PBX1: variants seen among roughly 807,000 people sequenced by gnomAD.
PBX1 encodes PBX homeobox 1.
In PBX1, 6 loss-of-function variants were observed where a neutral mutation model predicts 53.4. The ratio of observed to expected loss-of-function variants is 0.11; its 90% CI spans 0.06 to 0.22. The LOEUF is 0.22. Ranked by LOEUF, PBX1 falls within the 10% of genes least tolerant of loss-of-function variation. PBX1 has a pLI of 1.00. For missense variants in PBX1, 251 were observed against 551.4 expected, an observed-to-expected ratio of 0.46 and a Z score of 5.46; for synonymous variants, 204 against 212.3, an observed-to-expected ratio of 0.96 and a Z score of 0.34.
intron 2 of PBX1, among the ~76,000 whole-genome samples, chr1:164,789,412 G>A (rs1571410709): frequency 3.9e-5 from 6 of 152,324 alleles, no homozygotes; most frequent in Non-Finnish European, 1.5e-5. Flanking sequence ...TGATGTGTGC[G>A]TGATCACCTG....
intron 2 of PBX1, among the ~76,000 whole-genome samples, chr1:164,715,266 A>C (rs1319753073): frequency 4.6e-5 from 7 of 152,234 alleles, no homozygotes; most frequent in Non-Finnish European, 7.3e-5. Context: ...ATCTTTCAGG[A>C]GAAACAGTGA....
intron 2 of PBX1, among the ~76,000 whole-genome samples, chr1:164,578,328 C>G (rs960097885): frequency 6.6e-6 from 1 of 152,154 alleles, no homozygotes; most frequent in African/African-American, 2.4e-5. Context: ...GGTGAAAACT[C>G]TTTATCTTCC....
chr1:164,795,779 A>G (rs1273756511), intron 3 of PBX1, among the ~76,000 whole-genome samples: 1 of 152,206 alleles, frequency 6.6e-6, no homozygotes, highest in African/African-American at 2.4e-5. Flanking sequence ...TTAAAAATAG[A>G]AAACCTTGGT....
chr1:164,775,497 C>T (rs1222641036), intron 2 of PBX1, among the ~76,000 whole-genome samples: 1 of 152,220 alleles, frequency 6.6e-6, no homozygotes, highest in Non-Finnish European at 1.5e-5. Flanking sequence ...TTCAAAGCCA[C>T]AGAAGCCTTG....
At chr1:164,622,696 G>A (rs139337024) in intron 2 of PBX1, among the ~76,000 whole-genome samples, 119 of 152,146 alleles carry the variant, frequency 7.8e-4, no homozygotes, top group Non-Finnish European at 1.5e-3. Flanking sequence ...ACACTTCTAT[G>A]AAATATGGAA....
chr1:164,852,595 A>G (rs1383732733), downstream of PBX1, among the ~76,000 whole-genome samples: 2 of 151,996 alleles, frequency 1.3e-5, no homozygotes, highest in East Asian at 1.9e-4. Flanking sequence ...TTACATTCTC[A>G]TTTTCATGCT....
intron 2 of PBX1, chr1:164,626,157 C>A: frequency 2.1e-6 from 2 of 949,338 alleles, no homozygotes; most frequent in Non-Finnish European, 2.5e-6. Context: ...ATATACCATG[C>A]CTTCCCCCTT....
intron 2 of PBX1, among the ~76,000 whole-genome samples, chr1:164,730,979 CAT>C (rs1664947632): frequency 2.6e-5 from 4 of 152,256 alleles, no homozygotes; most frequent in Non-Finnish European, 5.9e-5. Context: ...TGTGCAAAAA[CAT>C]AATGCATAGA....
chr1:164,703,717 G>A (rs1023092423), intron 2 of PBX1, among the ~76,000 whole-genome samples: 7 of 152,284 alleles, frequency 4.6e-5, no homozygotes, highest in South Asian at 4.1e-4. Flanking sequence ...GCTGGACTCC[G>A]TGTGCTGCCT....
At chr1:164,792,428 G>A (rs1299993285) in intron 2 of PBX1, 66 bp from the exon 3 acceptor site, 36 of 1,584,396 alleles carry the variant, frequency 2.3e-5, no homozygotes, top group Non-Finnish European at 2.9e-5. Flanking sequence ...GAACACAAAT[G>A]TGTTGTGTTT....
chr1:164,883,608 A>G (rs1672710959), intron 2 of PBX1, among the ~76,000 whole-genome samples: 1 of 152,048 alleles, frequency 6.6e-6, no homozygotes, highest in Non-Finnish European at 1.5e-5. Context: ...GTCAAGCTGA[A>G]TTTTGCCAAA....
At chr1:164,599,071 ATTTT>A (rs375145672) in intron 2 of PBX1, among the ~76,000 whole-genome samples, 58 of 118,834 alleles carry the variant, frequency 4.9e-4, no homozygotes, top group African/African-American at 1.3e-3. Flanking sequence ...TTTCCTCCTG[ATTTT>A]TTTTTTTTTT....
chr1:164,826,334 C>T (rs1211893210), intron 8 of PBX1, among the ~76,000 whole-genome samples: 2 of 152,168 alleles, frequency 1.3e-5, no homozygotes, highest in African/African-American at 4.8e-5. Flanking sequence ...AAACTTTTCC[C>T]TTTGAATTCC....
chr1:164,884,145 C>T (rs558551286), intron 2 of PBX1, among the ~76,000 whole-genome samples: 10 of 152,204 alleles, frequency 6.6e-5, no homozygotes, highest in African/African-American at 1.4e-4. Context: ...ATAACTATTT[C>T]GTAGAGTTGC....
At chr1:164,864,250 A>G (rs1362777313) in intron 2 of PBX1, among the ~76,000 whole-genome samples, 1 of 151,954 alleles carries the variant, frequency 6.6e-6, no homozygotes, top group Non-Finnish European at 1.5e-5. Context: ...TTAGTTTCCC[A>G]TACCTCCCTC....
chr1:164,696,951 A>C (rs1662830388), intron 2 of PBX1, among the ~76,000 whole-genome samples: 1 of 152,126 alleles, frequency 6.6e-6, no homozygotes, highest in Non-Finnish European at 1.5e-5. Context: ...GACTGACCCA[A>C]ATTTGTGTTC....
At chr1:164,810,275 G>C (rs758993692) in intron 5 of PBX1, among the ~76,000 whole-genome samples, 1 of 152,068 alleles carries the variant, frequency 6.6e-6, no homozygotes, top group Non-Finnish European at 1.5e-5. Flanking sequence ...AGTGCCTAAC[G>C]CGTATTAGGC....
At chr1:164,838,508 A>G (rs1671148508) in intron 8 of PBX1, among the ~76,000 whole-genome samples, 1 of 152,218 alleles carries the variant, frequency 6.6e-6, no homozygotes, top group African/African-American at 2.4e-5. Flanking sequence ...GGTGAACTGA[A>G]GAGCACAAGT....
chr1:164,736,528 C>A (rs905707075), intron 2 of PBX1, among the ~76,000 whole-genome samples: 1 of 152,156 alleles, frequency 6.6e-6, no homozygotes, highest in Non-Finnish European at 1.5e-5. Flanking sequence ...GAGAAAAATT[C>A]ATTCCTCTGT....
Sources: gnomAD v4.1 joint callset for allele counts (sites outside exome capture counted in the v4.1 genomes callset) on GRCh38, gnomAD v4.1.1 for gene constraint, MANE v1.5 for transcripts, NCBI Gene and HGNC (gene_info 2026-07-23, HGNC 2026-07-21) for gene names.